The following KCTD8 variants were observed in gnomAD, a reference collection of about 807,000 sequenced individuals.
KCTD8 encodes potassium channel tetramerization domain containing 8.
A neutral mutation model predicts 31.5 loss-of-function variants in KCTD8; 27 were observed. That is an observed-to-expected ratio of 0.86 (90% confidence interval 0.63 to 1.18). The LOEUF is 1.18. Ranked by LOEUF, KCTD8 falls within the 50% of genes most tolerant of loss-of-function variation. KCTD8 has a pLI of 0.00. For missense variants in KCTD8, 658 were observed against 647.7 expected (o/e 1.02, Z -0.17); for synonymous variants, 290 against 280.0 (o/e 1.04, Z -0.36).
rs931837236 is a variant in KCTD8, at chr4:44,309,210, A to ATT, written c.962-133962_962-133961dup. 2.8e-5 allele frequency among the ~76,000 whole-genome samples: 4 copies of ATT among 144,644 alleles called. No homozygotes were observed. The South Asian group carries it at 6.6e-4, about 24-fold the overall frequency. 94.9% of individuals were successfully genotyped at this position (144,644 alleles called of 152,430 possible). The stretch of plus-strand genomic sequence containing the variant: ...ACCACTATGTCTGGCTAATTTTTGT[A>ATT]TTTTTTTTTTTAGAGATGGGGTTTT... On this transcript the variant is annotated intron_variant, in intron 1 of 1. Coordinates refer to ENST00000360029, the MANE Select transcript of KCTD8 (RefSeq NM_198353.3).
intron 1 of KCTD8, among the ~76,000 whole-genome samples, chr4:44,431,114 G>T (rs933891513): frequency 6.6e-6 from 1 of 151,558 alleles, no homozygotes; most frequent in Non-Finnish European, 1.5e-5. Context: ...TAGGTATTAA[G>T]CAACCACTGA....
At chr4:44,412,359 C>G (rs551657080) in intron 1 of KCTD8, among the ~76,000 whole-genome samples, 1 of 152,286 alleles carries the variant, frequency 6.6e-6, no homozygotes, top group East Asian at 1.9e-4. Context: ...CACTCTTGCA[C>G]CAGCCACCAA....
intron 1 of KCTD8, among the ~76,000 whole-genome samples, chr4:44,336,680 G>GA (rs1160452225): frequency 2.0e-5 from 3 of 151,812 alleles, no homozygotes; most frequent in East Asian, 3.9e-4. Context: ...TAATGAAACT[G>GA]AAAAAATCAG....
At chr4:44,300,889 C>G (rs1717594839) in intron 1 of KCTD8, among the ~76,000 whole-genome samples, 1 of 138,966 alleles carries the variant, frequency 7.2e-6, no homozygotes, top group Non-Finnish European at 1.5e-5. Flanking sequence ...ACAACAGTCC[C>G]CAGAGTGTGA....
chr4:44,212,814 C>T (rs756603354), intron 1 of KCTD8, among the ~76,000 whole-genome samples: 22 of 152,282 alleles, frequency 1.4e-4, no homozygotes, highest in Middle Eastern at 3.4e-3. Context: ...CTGGCAATTT[C>T]AGTCCATTTA....
chr4:44,236,216 A>G (rs1715286018), intron 1 of KCTD8, among the ~76,000 whole-genome samples: 1 of 152,166 alleles, frequency 6.6e-6, no homozygotes, highest in South Asian at 2.1e-4. Flanking sequence ...CCATGCTCCC[A>G]ATATCTTTTG....
chr4:44,425,386 T>A (rs1018433970), intron 1 of KCTD8, among the ~76,000 whole-genome samples: 4 of 152,072 alleles, frequency 2.6e-5, no homozygotes, highest in African/African-American at 9.7e-5. Flanking sequence ...AAATATCATA[T>A]AACAGTGCTT....
intron 1 of KCTD8, among the ~76,000 whole-genome samples, chr4:44,423,456 C>T (rs1175805148): frequency 6.6e-6 from 1 of 152,086 alleles, no homozygotes. Flanking sequence ...AGCTTCTTGG[C>T]AGTTCATTAA....
intron 1 of KCTD8, among the ~76,000 whole-genome samples, chr4:44,442,297 A>G (rs1234379351): frequency 6.6e-6 from 1 of 152,152 alleles, no homozygotes; most frequent in Non-Finnish European, 1.5e-5. Context: ...AACTATATAT[A>G]AAATTATGGA....
chr4:44,181,437 G>T (rs574615362), intron 1 of KCTD8, among the ~76,000 whole-genome samples: 2 of 152,160 alleles, frequency 1.3e-5, no homozygotes, highest in African/African-American at 4.8e-5. Context: ...TGGTGGAGAC[G>T]GGGTTTCGCT....
intron 1 of KCTD8, among the ~76,000 whole-genome samples, chr4:44,360,741 T>C (rs983528236): frequency 2.0e-5 from 3 of 152,004 alleles, no homozygotes; most frequent in Admixed American, 1.3e-4. Context: ...TTAAAAAATA[T>C]ACCAAATCAA....
In KCTD8 at chr4:44,325,717, A is replaced by G. The variant is rs191709259; in HGVS notation, c.961+121846T>C. ...ATACCTTTGCCCCAGGCACAAAGAT[A>G]TTATCGGCAGGCTTGCTTAGTCTTT... On this transcript the variant is annotated intron_variant, in intron 1 of 1. Coordinates refer to ENST00000360029, the MANE Select transcript of KCTD8 (RefSeq NM_198353.3). Among the ~76,000 whole-genome samples, 377 of 152,080 alleles carry G rather than the reference A, an allele frequency of 2.5e-3. 4 individuals carry two copies. The highest frequency in any genetic ancestry group is 0.02 in the Middle Eastern group (6 of 294).
intron 1 of KCTD8, among the ~76,000 whole-genome samples, chr4:44,180,858 T>C (rs1443617873): frequency 6.6e-6 from 1 of 152,156 alleles, no homozygotes; most frequent in East Asian, 1.9e-4. Flanking sequence ...TTCCAAGCTG[T>C]AAAATTCTGA....
intron 1 of KCTD8, among the ~76,000 whole-genome samples, chr4:44,437,247 C>T (rs2109481642): frequency 6.6e-6 from 1 of 152,124 alleles, no homozygotes; most frequent in African/African-American, 2.4e-5. Flanking sequence ...CTCACAGGAG[C>T]CTCACAACTT....
At chr4:44,312,056 T>C (rs1717969250) in intron 1 of KCTD8, among the ~76,000 whole-genome samples, 1 of 152,060 alleles carries the variant, frequency 6.6e-6, no homozygotes, top group Admixed American at 6.6e-5. Context: ...GGGGTGTATC[T>C]ATTCATGATT....
intron 1 of KCTD8, among the ~76,000 whole-genome samples, chr4:44,377,468 G>C (rs1159101204): frequency 6.6e-6 from 1 of 152,162 alleles, no homozygotes; most frequent in Non-Finnish European, 1.5e-5. Flanking sequence ...ATTTCTGGGG[G>C]GTAGAATTAT....
At chr4:44,382,425 T>C (rs1375668575) in intron 1 of KCTD8, among the ~76,000 whole-genome samples, 1 of 152,024 alleles carries the variant, frequency 6.6e-6, no homozygotes. Flanking sequence ...AGAGCTTTTC[T>C]GTAAGAACTC....
intron 1 of KCTD8, among the ~76,000 whole-genome samples, chr4:44,184,230 T>C (rs964602170): frequency 6.6e-6 from 1 of 152,132 alleles, no homozygotes; most frequent in African/African-American, 2.4e-5. Flanking sequence ...AGCTAAGGAA[T>C]GGGGTCATTT....
chr4:44,180,639 C>CTGAAATTT (rs1158161923), intron 1 of KCTD8, among the ~76,000 whole-genome samples: 1 of 151,564 alleles, frequency 6.6e-6, no homozygotes, highest in Non-Finnish European at 1.5e-5. Flanking sequence ...ATTTATTATG[C>CTGAAATTT]TGAAATTTTT....
Sources: gnomAD v4.1 joint callset for allele counts (sites outside exome capture counted in the v4.1 genomes callset) on GRCh38, gnomAD v4.1.1 for gene constraint, MANE v1.5 for transcripts, NCBI Gene and HGNC (gene_info 2026-07-23, HGNC 2026-07-21) for gene names.